SLFN5: variants seen among roughly 807,000 people sequenced by gnomAD.
The protein encoded by SLFN5 is schlafen family member 5.
SLFN5 carries 34 observed loss-of-function variants against 48.5 expected under a neutral mutation model. The observed-to-expected ratio is 0.70, with a 90% CI of 0.53 to 0.93. SLFN5 has a LOEUF of 0.93. Among genes scored for constraint, SLFN5 ranks in the 40% least tolerant of loss-of-function variants. SLFN5 has a pLI of 0.00. For missense variants in SLFN5, 1,006 were observed against 1,071.3 expected, an observed-to-expected ratio of 0.94 and a Z score of 0.85; for synonymous variants, 387 against 396.2, an observed-to-expected ratio of 0.98 and a Z score of 0.28.
Position 35,265,223 on chromosome 17 carries a change from A to T in SLFN5, c.2011A>T (p.Thr671Ser), listed in dbSNP as rs766861007. ...WYGKAKFITQ[T>S]ARDGPGVLWI... Reference sequence around the variant, plus strand: ...TGGGAAAGCAAAGTTCATCACTCAGACAGCAAGGGATGGCCCAGGAGTTCT... The same window carrying T: ...TGGGAAAGCAAAGTTCATCACTCAGTCAGCAAGGGATGGCCCAGGAGTTCT... The change falls in exon 5 of 5, where the codon ACA becomes TCA. Residue 671 changes from threonine to serine, a missense_variant. Transcript: ENST00000299977. The T allele has an allele frequency of 1.2e-6, 2 of 1,614,214 alleles. No homozygotes were observed. The highest frequency in any genetic ancestry group is 1.7e-6 in the Non-Finnish European group (2 of 1,180,042).
rs1555592873 is a variant in SLFN5, at chr17:35,266,178, G to GTGTGTGTGCGCA, written c.*290_*291insTGTGTGTGCGCA. On this transcript the variant is annotated 3_prime_UTR_variant, in exon 5 of 5. Transcript: ENST00000299977. Reference sequence around the variant, plus strand: ...TGTGTGTGTGTGTGTGTGTGTGTGTGCGCGCGCGCACGTGCACATGTGTGT... The same window carrying GTGTGTGTGCGCA: ...TGTGTGTGTGTGTGTGTGTGTGTGTGTGTGTGTGCGCACGCGCGCGCACGTGCACATGTGTGT... The GTGTGTGTGCGCA allele has an allele frequency of 6.2e-6, 1 of 161,542 alleles. No individual in the cohort carries two copies. Among genetic ancestry groups the GTGTGTGTGCGCA allele is most frequent in the Non-Finnish European group, 1.1e-5 (1 of 91,150 alleles). 10.0% of individuals were successfully genotyped at this position (161,542 alleles called of 1,614,324 possible).
In SLFN5 at chr17:35,261,088, A is replaced by G. The variant is rs754184502; in HGVS notation, c.1130A>G (p.Tyr377Cys). 1.2e-6 allele frequency: 2 copies of G among 1,613,218 alleles called. No homozygotes were observed. The highest frequency in any genetic ancestry group is 8.5e-7 in the Non-Finnish European group (1 of 1,179,416). ...TGTCTGAAAGAGCAGCAGAAACGCT[A>G]CTTTCCAGGTAATTGGCCATCTCTG... ...SECLKEQQKR[Y>C]FPVFSDRVVY... The change falls in exon 3 of 5, where the codon TAC becomes TGC. Residue 377 changes from tyrosine to cysteine, a missense_variant. Physicochemically the swap from Tyr to Cys is radical, Grantham distance 194 (BLOSUM62 -2). Transcript: ENST00000299977.
At chr17:35,257,975 C>T (rs111785403) in intron 1 of SLFN5, among the ~76,000 whole-genome samples, 1,825 of 152,342 alleles carry the variant, frequency 0.012, 44 homozygotes, top group African/African-American at 0.041. Flanking sequence ...CTCCAGTCCA[C>T]AAATATCAAT....
chr17:35,256,836 G>A (rs1567789898), intron 1 of SLFN5, among the ~76,000 whole-genome samples: 2 of 152,036 alleles, frequency 1.3e-5, no homozygotes, highest in South Asian at 2.1e-4. Flanking sequence ...CTACACCAGG[G>A]GTCCCCCTGG....
intron 3 of SLFN5, among the ~76,000 whole-genome samples, chr17:35,262,234 G>A (rs1008075184): frequency 6.6e-6 from 1 of 151,774 alleles, no homozygotes; most frequent in Admixed American, 6.6e-5. Context: ...CAAAAAATTA[G>A]CTGGGTGTGG....
chr17:35,265,077 G>T lies in SLFN5; in HGVS notation c.1865G>T (p.Ser622Ile). Residue 622 changes from serine (S) to isoleucine (I), a missense_variant, in exon 5 of 5, where the codon AGC becomes ATC. Coordinates refer to ENST00000299977, the MANE Select transcript of SLFN5 (RefSeq NM_144975.4). ...CCTGACTCTGTTTCTTACAGTTTCA[G>T]CAAGAAAAACATCTGCCAGCCAGTG... is the stretch of plus-strand genomic sequence containing the variant. ...NQPLKKLVSFSKKNICQPVTR... is the reference protein window; with the variant it reads ...NQPLKKLVSFIKKNICQPVTR... 6.2e-7 allele frequency: 1 copy of T among 1,607,256 alleles called. No individual in the cohort carries two copies. The highest frequency in any genetic ancestry group is 8.5e-7 in the Non-Finnish European group (1 of 1,176,842).
chr17:35,249,628 C>G (rs2092438007), intron 1 of SLFN5, among the ~76,000 whole-genome samples: 1 of 152,182 alleles, frequency 6.6e-6, no homozygotes, highest in African/African-American at 2.4e-5. Flanking sequence ...CATCTCCCAG[C>G]CCTTAACTGT....
At chr17:35,244,616 C>T (rs2092426617) in intron 1 of SLFN5, among the ~76,000 whole-genome samples, 1 of 152,138 alleles carries the variant, frequency 6.6e-6, no homozygotes, top group Non-Finnish European at 1.5e-5. Context: ...CATCCTGTGT[C>T]AGAAGTATTC....
At chr17:35,256,906 T>C (rs944912332) in intron 1 of SLFN5, among the ~76,000 whole-genome samples, 1 of 151,832 alleles carries the variant, frequency 6.6e-6, no homozygotes, top group African/African-American at 2.4e-5. Context: ...AGGAGGTGAG[T>C]GTAAGTGAGC....
chr17:35,266,177 T>TGTGTGTGCGCGTGCGC lies in SLFN5; in HGVS notation c.*290_*291insTGTGTGCGCGTGCGCG, dbSNP rs35160124. The TGTGTGTGCGCGTGCGC allele has an allele frequency of 5.8e-6, 1 of 171,112 alleles. No homozygotes were observed. Among genetic ancestry groups the TGTGTGTGCGCGTGCGC allele is most frequent in the Non-Finnish European group, 1.2e-5 (1 of 83,750 alleles). The allele number at this position is 171,112 out of a possible 1,614,324, so 10.6% of individuals were successfully genotyped here. On this transcript the variant is annotated 3_prime_UTR_variant, in exon 5 of 5. Coordinates refer to ENST00000299977, the MANE Select transcript of SLFN5 (RefSeq NM_144975.4). The stretch of plus-strand genomic sequence containing the variant: ...GTGTGTGTGTGTGTGTGTGTGTGTG[T>TGTGTGTGCGCGTGCGC]GCGCGCGCGCACGTGCACATGTGTG...
intron 1 of SLFN5, among the ~76,000 whole-genome samples, chr17:35,256,918 T>G (rs892432645): frequency 6.6e-6 from 1 of 152,164 alleles, no homozygotes; most frequent in Admixed American, 6.5e-5. Context: ...TAAGTGAGCA[T>G]TACCGCCTGA....
chr17:35,273,293 T>C lies in SLFN5; in HGVS notation c.*7405T>C, dbSNP rs774994444. The C allele has an allele frequency of 6.6e-6, 1 of 152,210 alleles. No individual in the cohort carries two copies. The highest frequency in any genetic ancestry group is 1.5e-5 in the Non-Finnish European group (1 of 68,030). The allele number at this position is 152,210 out of a possible 1,614,324, so 9.4% of individuals were successfully genotyped here. A position where few individuals can be genotyped will look rare whatever the true frequency, so the allele number is the denominator to read the frequency against. ...TGGAAGTATACCTAAAAATTGGTAATAGTGTTTGACTCCAGGGAAGAACAG... is the reference window on the plus strand; with the variant it reads ...TGGAAGTATACCTAAAAATTGGTAACAGTGTTTGACTCCAGGGAAGAACAG... On this transcript the variant is annotated 3_prime_UTR_variant, in exon 5 of 5. Transcript: ENST00000299977.
At position 35,265,292 on chromosome 17, in the gene SLFN5, A is replaced by G; in HGVS notation, c.2080A>G (p.Ser694Gly). The change falls in exon 5 of 5, where the codon AGT (serine) becomes GGT (glycine). Residue 694 changes from serine to glycine, a missense_variant. Ser to Gly is a moderately conservative substitution (Grantham distance 56). Coordinates refer to ENST00000299977, the MANE Select transcript of SLFN5 (RefSeq NM_144975.4). ...DYFQTYHLSC[S>G]GLPPPSDQYP... is the part of the protein sequence containing the mutation. ...CTTTCAGACCTATCACTTGAGTTGCAGTGGCCTCCCCCCTCCCTCAGACCA... is the reference window on the plus strand; with the variant it reads ...CTTTCAGACCTATCACTTGAGTTGCGGTGGCCTCCCCCCTCCCTCAGACCA... The G allele has an allele frequency of 1.2e-6, 2 of 1,614,154 alleles. No homozygotes were observed. Among genetic ancestry groups the G allele is most frequent in the Non-Finnish European group, 1.7e-6 (2 of 1,180,012 alleles).
intron 1 of SLFN5, among the ~76,000 whole-genome samples, chr17:35,258,286 C>G (rs142517543): frequency 6.6e-6 from 1 of 152,210 alleles, no homozygotes; most frequent in East Asian, 1.9e-4. Context: ...GCTGGGGAGT[C>G]CTGACAATCA....
At chr17:35,246,551 A>T (rs918474048) in intron 1 of SLFN5, among the ~76,000 whole-genome samples, 7 of 152,166 alleles carry the variant, frequency 4.6e-5, no homozygotes, top group Non-Finnish European at 8.8e-5. Context: ...TATATCATTT[A>T]AAAAAATTTA....
At chr17:35,257,625 C>A (rs1904385026) in intron 1 of SLFN5, among the ~76,000 whole-genome samples, 2 of 151,790 alleles carry the variant, frequency 1.3e-5, no homozygotes, top group African/African-American at 2.4e-5. Flanking sequence ...CAGCCTGGTG[C>A]TGAGATGTTG....
rs1464306606 is a variant in SLFN5 at position 35,264,844 on chromosome 17, C to T, written c.1800C>T (p.His600=). Residue 600 remains histidine (H), a synonymous_variant, in exon 4 of 5, where the codon CAC becomes CAT. Coordinates refer to ENST00000299977, the MANE Select transcript of SLFN5 (RefSeq NM_144975.4). The part of the protein sequence containing the change: ...RIMEKIRNVF[H]CEPANILYIC... ...TGGAGAAGATCAGGAATGTGTTTCA[C>T]TGTGAACCGGCTAACATTCTCTACA... 4 of 1,594,312 alleles carry T rather than the reference C, an allele frequency of 2.5e-6. No individual in the cohort carries two copies. The highest frequency in any genetic ancestry group is 3.4e-6 in the Non-Finnish European group (4 of 1,172,710).
rs1904853920 is a variant in SLFN5 at position 35,272,369 on chromosome 17, A to G, written c.*6481A>G. On this transcript the variant is annotated 3_prime_UTR_variant, in exon 5 of 5. Transcript: ENST00000299977. ...AGCTAAAAAAAATTAAGCTTGGGCC[A>G]TATGCCAGACTAGATACCAAAATAA... The G allele has an allele frequency of 6.6e-6, 1 of 152,196 alleles. No individual in the cohort carries two copies. The highest frequency in any genetic ancestry group is 2.1e-4 in the South Asian group (1 of 4,828). 9.4% of individuals were successfully genotyped at this position (152,196 alleles called of 1,614,324 possible).
intron 4 of SLFN5, 58 bp from the exon 5 acceptor site, chr17:35,265,014 A>G (rs1904633579): frequency 6.4e-7 from 1 of 1,558,220 alleles, no homozygotes; most frequent in South Asian, 1.3e-5. Context: ...GAGGGGTTTA[A>G]GAGTAGAATC....
Sources: allele counts gnomAD v4.1 joint callset (sites outside exome capture counted in the v4.1 genomes callset), GRCh38; gene constraint gnomAD v4.1.1; transcripts MANE v1.5; gene names NCBI Gene and HGNC (gene_info 2026-07-23, HGNC 2026-07-21).